Variants in KCNQ1OT1 observed in about 807,000 individuals in gnomAD.
KCNQ1OT1 encodes KCNQ1 opposite strand/antisense transcript 1, also known as KCNQ1 antisense RNA 2 (non-protein coding).
chr11:2,670,794 A>C lies in KCNQ1OT1; in HGVS notation n.29201T>G, dbSNP rs1446502037. On this transcript the variant is annotated non_coding_transcript_exon_variant, in exon 1 of 1. Coordinates refer to ENST00000597346, the Ensembl canonical transcript of KCNQ1OT1. The surrounding 1 kb of genome is among the most constrained non-coding windows in gnomAD (Gnocchi z 4.9). Reference sequence around the variant, plus strand: ...CTGCCCTCTGCAATAAGAATTCTTCAAGTTCAGCCTCTATGTGCATCATAA... The same window carrying C: ...CTGCCCTCTGCAATAAGAATTCTTCCAGTTCAGCCTCTATGTGCATCATAA... 5.0e-6 allele frequency: 2 copies of C among 398,428 alleles called. No homozygotes were observed. The highest frequency in any genetic ancestry group is 8.8e-6 in the Non-Finnish European group (2 of 226,074). The allele number at this position is 398,428 out of a possible 1,614,324, so 24.7% of individuals were successfully genotyped here.
chr11:2,622,505 A>G (rs1015057444), exon 1 of KCNQ1OT1: 7 of 398,428 alleles, frequency 1.8e-5, no homozygotes, highest in African/African-American at 1.2e-4. Context: ...CATTCTGCCA[A>G]CCTCTGCTTT....
exon 1 of KCNQ1OT1, chr11:2,610,488 G>A (rs1027568597): frequency 2.5e-6 from 1 of 398,146 alleles, no homozygotes; most frequent in African/African-American, 2.1e-5. Flanking sequence ...CCAACTGGTG[G>A]TATTTCCTTA....
exon 1 of KCNQ1OT1, chr11:2,639,479 C>G (rs1183191444): frequency 3.3e-5 from 5 of 152,458 alleles, no homozygotes; most frequent in Admixed American, 1.3e-4. Flanking sequence ...GAGGTCCACT[C>G]CAGACCCTGT....
In KCNQ1OT1 at chr11:2,620,155, T is replaced by C; in HGVS notation, n.79840A>G. ...CATTAATTTGCTTAAGATAGTGGCC[T>C]CTAGCTGCATCCATGTTGCTGCAAA... is the stretch of plus-strand genomic sequence containing the variant. On this transcript the variant is annotated non_coding_transcript_exon_variant, in exon 1 of 1. Transcript: ENST00000597346. This position sits in a 1 kb window ranked among gnomAD's most constrained non-coding sequence, Gnocchi z 4.5. 2 of 396,928 alleles carry C rather than the reference T, an allele frequency of 5.0e-6. No homozygotes were observed. The highest frequency in any genetic ancestry group is 8.8e-5 in the Admixed American group (2 of 22,688). The allele number at this position is 396,928 out of a possible 1,614,324, so 24.6% of individuals were successfully genotyped here.
exon 1 of KCNQ1OT1, chr11:2,665,614 C>CT (rs1850053408): frequency 2.5e-6 from 1 of 397,298 alleles, no homozygotes; most frequent in South Asian, 1.3e-4. Context: ...CACACTTAGG[C>CT]TGTACGGCTG....
In KCNQ1OT1 at chr11:2,654,054, G is replaced by A. The variant is rs972660662; in HGVS notation, n.45941C>T. 30 of 398,618 alleles carry A rather than the reference G, an allele frequency of 7.5e-5. No homozygotes were observed. Among genetic ancestry groups the A allele is most frequent in the African/African-American group, 2.9e-4 (14 of 48,652 alleles). The allele number at this position is 398,618 out of a possible 1,614,324, so 24.7% of individuals were successfully genotyped here. A position where few individuals can be genotyped will look rare whatever the true frequency, so the allele number is the denominator to read the frequency against. Reference sequence around the variant, plus strand: ...TCGCCTTGTTCCTGGCAGCTGTTGTGGGAATGGCTTTTACACTTTCCATCC... The same window carrying A: ...TCGCCTTGTTCCTGGCAGCTGTTGTAGGAATGGCTTTTACACTTTCCATCC... On this transcript the variant is annotated non_coding_transcript_exon_variant, in exon 1 of 1. Coordinates refer to ENST00000597346, the Ensembl canonical transcript of KCNQ1OT1. The surrounding 1 kb of genome is among the most constrained non-coding windows in gnomAD (Gnocchi z 6.4).
exon 1 of KCNQ1OT1, chr11:2,699,791 G>C (rs943764254): frequency 2.5e-6 from 1 of 397,184 alleles, no homozygotes; most frequent in Non-Finnish European, 4.4e-6. Flanking sequence ...GAACCGCGCC[G>C]AGGGGCGCGC....
At chr11:2,618,527 T>G (rs1849108353) in exon 1 of KCNQ1OT1, 1 of 398,490 alleles carries the variant, frequency 2.5e-6, no homozygotes, top group Non-Finnish European at 4.4e-6. Context: ...TGAATTTCTT[T>G]CTGGGCTCTC....
Position 2,663,147 on chromosome 11 carries a change from T to C in KCNQ1OT1, n.36848A>G, listed in dbSNP as rs1424496354. The C allele has an allele frequency of 1.5e-5, 6 of 398,584 alleles. No individual in the cohort carries two copies. Among genetic ancestry groups the C allele is most frequent in the Non-Finnish European group, 2.7e-5 (6 of 226,142 alleles). The allele number at this position is 398,584 out of a possible 1,614,324, so 24.7% of individuals were successfully genotyped here. A position where few individuals can be genotyped will look rare whatever the true frequency, so the allele number is the denominator to read the frequency against. ...TTATGATCAGACAGGACCTGCCCAC[T>C]GTCTTTCCAGGCCCCCCCAGTTCAC... On this transcript the variant is annotated non_coding_transcript_exon_variant, in exon 1 of 1. Transcript: ENST00000597346. This position sits in a 1 kb window ranked among gnomAD's most constrained non-coding sequence, Gnocchi z 5.2.
At chr11:2,643,002 A>C (rs1163603375) in exon 1 of KCNQ1OT1, 1 of 397,786 alleles carries the variant, frequency 2.5e-6, no homozygotes, top group African/African-American at 2.1e-5. Flanking sequence ...GTTTTATGCT[A>C]TTGTGGTCTG....
At position 2,659,259 on chromosome 11, in the gene KCNQ1OT1, C is replaced by G; in HGVS notation, n.40736G>C. 1 of 398,624 alleles carries G rather than the reference C, an allele frequency of 2.5e-6. No homozygotes were observed. 24.7% of individuals were successfully genotyped at this position (398,624 alleles called of 1,614,324 possible). A position where few individuals can be genotyped will look rare whatever the true frequency, so the allele number is the denominator to read the frequency against. On this transcript the variant is annotated non_coding_transcript_exon_variant, in exon 1 of 1. Coordinates refer to ENST00000597346, the Ensembl canonical transcript of KCNQ1OT1. The surrounding 1 kb of genome is among the most constrained non-coding windows in gnomAD (Gnocchi z 4.3). ...TACCCTGGGGTGAGTCTTTTGAAGT[C>G]AAGTACTTCTCCCCTAACCACTGGC...
chr11:2,671,304 T>C lies in KCNQ1OT1; in HGVS notation n.28691A>G, dbSNP rs1451026017. 4 of 398,440 alleles carry C rather than the reference T, an allele frequency of 1.0e-5. No homozygotes were observed. The highest frequency in any genetic ancestry group is 2.1e-5 in the African/African-American group (1 of 48,612). 24.7% of individuals were successfully genotyped at this position (398,440 alleles called of 1,614,324 possible). ...CTCTGATCTTCTCCATAAGTAATCT[T>C]TTCCCATGTGTGGCTGCAGCCTCAG... On this transcript the variant is annotated non_coding_transcript_exon_variant, in exon 1 of 1. Transcript: ENST00000597346. This position sits in a 1 kb window ranked among gnomAD's most constrained non-coding sequence, Gnocchi z 4.7.
chr11:2,624,720 C>CCATTAAACAATAAT lies in KCNQ1OT1; in HGVS notation n.75261_75274dup, dbSNP rs1287155447. 2 of 398,376 alleles carry CCATTAAACAATAAT rather than the reference C, an allele frequency of 5.0e-6. No homozygotes were observed. Among genetic ancestry groups the CCATTAAACAATAAT allele is most frequent in the East Asian group, 7.1e-5 (2 of 28,066 alleles). 24.7% of individuals were successfully genotyped at this position (398,376 alleles called of 1,614,324 possible). On this transcript the variant is annotated non_coding_transcript_exon_variant, in exon 1 of 1. Transcript: ENST00000597346. The surrounding 1 kb of genome is among the most constrained non-coding windows in gnomAD (Gnocchi z 4.9). ...CATTTGTAATTATGAAACTCTATATCCATTAAACAATAATTCCCCAACCCC... is the reference window on the plus strand; with the variant it reads ...CATTTGTAATTATGAAACTCTATATCCATTAAACAATAATCATTAAACAATAATTCCCCAACCCC...
At position 2,687,461 on chromosome 11, in the gene KCNQ1OT1, C is replaced by G. The variant is rs1250256986; in HGVS notation, n.12534G>C. ...ATACAGATCCCTGCCTGCACAAGAGCTGCTGCAGCATTTCAATAGGGCCAT... is the reference window on the plus strand; with the variant it reads ...ATACAGATCCCTGCCTGCACAAGAGGTGCTGCAGCATTTCAATAGGGCCAT... On this transcript the variant is annotated non_coding_transcript_exon_variant, in exon 1 of 1. Coordinates refer to ENST00000597346, the Ensembl canonical transcript of KCNQ1OT1. The surrounding 1 kb of genome is among the most constrained non-coding windows in gnomAD (Gnocchi z 5.0). The G allele has an allele frequency of 2.2e-4, 87 of 398,832 alleles. No homozygotes were observed. In the East Asian group the frequency reaches 3.0e-3, roughly 14 times the overall value. 24.7% of individuals were successfully genotyped at this position (398,832 alleles called of 1,614,324 possible).
chr11:2,641,630 T>A, exon 1 of KCNQ1OT1: 1 of 398,468 alleles, frequency 2.5e-6, no homozygotes, highest in Non-Finnish European at 4.4e-6. Context: ...TGTACAAGCT[T>A]TATCATTTAA....
chr11:2,650,145 T>C (rs1849734843), exon 1 of KCNQ1OT1: 1 of 398,406 alleles, frequency 2.5e-6, no homozygotes, highest in South Asian at 1.3e-4. Flanking sequence ...TTTGGTTCTT[T>C]TTCATATCTA....
Position 2,668,313 on chromosome 11 carries a change from A to T in KCNQ1OT1, n.31682T>A, listed in dbSNP as rs369251624. On this transcript the variant is annotated non_coding_transcript_exon_variant, in exon 1 of 1. Coordinates refer to ENST00000597346, the Ensembl canonical transcript of KCNQ1OT1. This position sits in a 1 kb window ranked among gnomAD's most constrained non-coding sequence, Gnocchi z 4.3. ...GAGCATCAGGTTGCGTTTCTGGGGA[A>T]TATATGCCTATGTGTGGAGCTGCAG... 74 of 398,604 alleles carry T rather than the reference A, an allele frequency of 1.9e-4. No individual in the cohort carries two copies. The highest frequency in any genetic ancestry group is 1.3e-3 in the African/African-American group (65 of 48,732). 24.7% of individuals were successfully genotyped at this position (398,604 alleles called of 1,614,324 possible). A position where few individuals can be genotyped will look rare whatever the true frequency, so the allele number is the denominator to read the frequency against.
chr11:2,658,827 C>T lies in KCNQ1OT1; in HGVS notation n.41168G>A. The T allele has an allele frequency of 2.5e-6, 1 of 398,522 alleles. No individual in the cohort carries two copies. 24.7% of individuals were successfully genotyped at this position (398,522 alleles called of 1,614,324 possible). A position where few individuals can be genotyped will look rare whatever the true frequency, so the allele number is the denominator to read the frequency against. On this transcript the variant is annotated non_coding_transcript_exon_variant, in exon 1 of 1. Transcript: ENST00000597346. This position sits in a 1 kb window ranked among gnomAD's most constrained non-coding sequence, Gnocchi z 4.9. Reference sequence around the variant, plus strand: ...CCCCACAACTTATTTATAGCTTTTTCTCTGACAGCTAGAAACCTGGCTCCC... The same window carrying T: ...CCCCACAACTTATTTATAGCTTTTTTTCTGACAGCTAGAAACCTGGCTCCC...
chr11:2,662,227 C>T lies in KCNQ1OT1; in HGVS notation n.37768G>A, dbSNP rs572126422. ...CCACTTGCCGTCTGCCTGGCCCCAA[C>T]ACGGAGGCACCAGGCAAGAGAGGAG... On this transcript the variant is annotated non_coding_transcript_exon_variant, in exon 1 of 1. Transcript: ENST00000597346. 207 of 1,052,704 alleles carry T rather than the reference C, an allele frequency of 2.0e-4. 1 individual carries two copies. Among genetic ancestry groups the T allele is most frequent in the Admixed American group, 4.0e-4 (19 of 47,492 alleles). The allele number at this position is 1,052,704 out of a possible 1,614,324, so 65.2% of individuals were successfully genotyped here. A position where few individuals can be genotyped will look rare whatever the true frequency, so the allele number is the denominator to read the frequency against.
Sources: allele counts gnomAD v4.1 joint callset, GRCh38; gene constraint gnomAD v4.1.1; non-coding constraint Gnocchi (gnomAD v3.1); transcripts MANE v1.5; gene names NCBI Gene and HGNC (gene_info 2026-07-23, HGNC 2026-07-21).